Variants in ANKS1B observed in about 807,000 individuals in gnomAD.
ANKS1B encodes the protein ankyrin repeat and sterile alpha motif domain containing 1B.
ANKS1B carries 36 observed loss-of-function variants against 148.3 expected under a neutral mutation model. That is an observed-to-expected ratio of 0.24 (90% CI 0.19 to 0.32). ANKS1B has a LOEUF of 0.32. Ranked by LOEUF, ANKS1B falls within the 10% of genes least tolerant of loss-of-function variation. ANKS1B has a pLI of 1.00. For synonymous variants in ANKS1B, 542 were observed against 560.8 expected, an observed-to-expected ratio of 0.97 and a Z score of 0.47; for missense variants, 1,157 against 1,542.6, an observed-to-expected ratio of 0.75 and a Z score of 4.19.
chr12:98,882,463 CAAAT>C (rs2099710542), intron 17 of ANKS1B, among the ~76,000 whole-genome samples: 1 of 152,108 alleles, frequency 6.6e-6, no homozygotes, highest in Non-Finnish European at 1.5e-5. Flanking sequence ...CAAAGATTAT[CAAAT>C]AAACAATCTA....
intron 10 of ANKS1B, among the ~76,000 whole-genome samples, chr12:99,489,332 A>G (rs2096533461): frequency 6.6e-6 from 1 of 152,130 alleles, no homozygotes; most frequent in Admixed American, 6.6e-5. Context: ...GAAAGAAAAT[A>G]CATCAGAATA....
intron 8 of ANKS1B, among the ~76,000 whole-genome samples, chr12:99,683,643 A>C (rs2098633665): frequency 6.6e-6 from 1 of 152,160 alleles, no homozygotes; most frequent in Non-Finnish European, 1.5e-5. Flanking sequence ...TATCACCCTA[A>C]TACCAAAACC....
intron 1 of ANKS1B, among the ~76,000 whole-genome samples, chr12:99,839,027 C>A (rs546851374): frequency 4.1e-4 from 62 of 152,052 alleles, no homozygotes; most frequent in African/African-American, 1.4e-3. Flanking sequence ...TAGATCTCTT[C>A]TGATATATAT....
chr12:98,879,444 C>T (rs1438579801), intron 17 of ANKS1B, among the ~76,000 whole-genome samples: 2 of 152,160 alleles, frequency 1.3e-5, no homozygotes, highest in African/African-American at 2.4e-5. Flanking sequence ...GATCAGCAAC[C>T]TCAATATGTC....
intron 17 of ANKS1B, among the ~76,000 whole-genome samples, chr12:98,916,662 C>T (rs2099794843): frequency 6.6e-6 from 1 of 152,188 alleles, no homozygotes; most frequent in Non-Finnish European, 1.5e-5. Flanking sequence ...CCATCAATGG[C>T]CAATGCAGCC....
At chr12:98,868,904 T>G (rs2099639083) in intron 17 of ANKS1B, among the ~76,000 whole-genome samples, 1 of 152,248 alleles carries the variant, frequency 6.6e-6, no homozygotes, top group South Asian at 2.1e-4. Flanking sequence ...GTTAGCAGCT[T>G]GATGTACTGT....
At chr12:99,675,987 C>T (rs12426568) in intron 8 of ANKS1B, among the ~76,000 whole-genome samples, 18,500 of 152,100 alleles carry the variant, frequency 0.12, 1,750 homozygotes, top group East Asian at 0.46. Flanking sequence ...AATTGTACTA[C>T]CTGTAATCCC....
At chr12:99,608,548 C>T (rs77980583) in intron 9 of ANKS1B, among the ~76,000 whole-genome samples, 2 of 152,190 alleles carry the variant, frequency 1.3e-5, no homozygotes, top group African/African-American at 4.8e-5. Context: ...AGTAACTGGT[C>T]AACCACCATG....
chr12:99,068,114 T>C (rs2045047824), intron 16 of ANKS1B, among the ~76,000 whole-genome samples: 2 of 152,084 alleles, frequency 1.3e-5, no homozygotes, highest in African/African-American at 4.8e-5. Context: ...TAGGACAATA[T>C]ATATATAACA....
intron 10 of ANKS1B, among the ~76,000 whole-genome samples, chr12:99,502,860 A>C (rs1231288310): frequency 6.6e-6 from 1 of 152,226 alleles, no homozygotes; most frequent in African/African-American, 2.4e-5. Flanking sequence ...CCCTAGCCTC[A>C]GTACTGCTCA....
chr12:99,156,323 A>G (rs1354076840), intron 14 of ANKS1B, among the ~76,000 whole-genome samples: 1 of 152,192 alleles, frequency 6.6e-6, no homozygotes, highest in Non-Finnish European at 1.5e-5. Context: ...AGCCTAGTGA[A>G]ACAACGACTT....
chr12:99,833,711 T>C (rs1603234852), intron 1 of ANKS1B, among the ~76,000 whole-genome samples: 1 of 152,180 alleles, frequency 6.6e-6, no homozygotes, highest in East Asian at 1.9e-4. Context: ...TTAACTGTCA[T>C]ACATTTTTTA....
chr12:99,586,257 T>C (rs1015302448), intron 9 of ANKS1B, among the ~76,000 whole-genome samples: 1 of 152,166 alleles, frequency 6.6e-6, no homozygotes, highest in Non-Finnish European at 1.5e-5. Flanking sequence ...CTCTCTCAAG[T>C]TCCAAGCTCC....
intron 14 of ANKS1B, among the ~76,000 whole-genome samples, chr12:99,207,993 A>C (rs185047852): frequency 3.3e-5 from 5 of 152,254 alleles, no homozygotes; most frequent in African/African-American, 2.4e-5. Flanking sequence ...TATTAATATC[A>C]AAAGTATACT....
chr12:99,255,058 T>C (rs2075095206), intron 12 of ANKS1B, among the ~76,000 whole-genome samples: 2 of 152,204 alleles, frequency 1.3e-5, no homozygotes, highest in African/African-American at 4.8e-5. Flanking sequence ...GAAGAGTTTA[T>C]ATAAGATTGG....
intron 4 of ANKS1B, among the ~76,000 whole-genome samples, chr12:99,782,657 C>T (rs1029550330): frequency 6.6e-6 from 1 of 152,140 alleles, no homozygotes; most frequent in Non-Finnish European, 1.5e-5. Flanking sequence ...AGAAGTAATG[C>T]CCACCTCACA....
chr12:99,693,944 C>G (rs2053515594), intron 8 of ANKS1B, among the ~76,000 whole-genome samples: 1 of 151,396 alleles, frequency 6.6e-6, no homozygotes, highest in Admixed American at 6.6e-5. Flanking sequence ...ACATGCCTGG[C>G]TAGTTTTTGT....
chr12:99,021,273 T>C (rs2099945654), intron 17 of ANKS1B, among the ~76,000 whole-genome samples: 1 of 152,122 alleles, frequency 6.6e-6, no homozygotes, highest in African/African-American at 2.4e-5. Context: ...TTCTTAAAAA[T>C]ATAGTATCAA....
At chr12:99,158,292 T>C (rs555040987) in intron 14 of ANKS1B, among the ~76,000 whole-genome samples, 4 of 152,268 alleles carry the variant, frequency 2.6e-5, no homozygotes, top group South Asian at 4.1e-4. Flanking sequence ...GGAACTTTTA[T>C]TCAACTAGAA....
Sources: gnomAD v4.1 joint callset for allele counts (sites outside exome capture counted in the v4.1 genomes callset) on GRCh38, gnomAD v4.1.1 for gene constraint, MANE v1.5 for transcripts, NCBI Gene and HGNC (gene_info 2026-07-23, HGNC 2026-07-21) for gene names.